Variants in WDR75 observed in about 807,000 individuals in gnomAD.
WDR75 encodes WD repeat domain 75, also known as WD repeat-containing protein 75.
Under a neutral mutation model 106.1 loss-of-function variants are expected in WDR75, and 52 were observed. That is an observed-to-expected ratio of 0.49 (90% CI 0.39 to 0.62). The LOEUF is 0.62. Among genes scored for constraint, WDR75 ranks in the 20% least tolerant of loss-of-function variants. WDR75 has a pLI of 0.00. For synonymous variants in WDR75, 333 were observed against 335.5 expected, an observed-to-expected ratio of 0.99 and a Z score of 0.08; for missense variants, 905 against 970.3, an observed-to-expected ratio of 0.93 and a Z score of 0.89.
At chr2:189,466,663 T>C in intron 13 of WDR75, 81 bp downstream of exon 13, 1 of 1,381,432 alleles carries the variant, frequency 7.2e-7, no homozygotes, top group Non-Finnish European at 9.8e-7. Flanking sequence ...GTATCCATCC[T>C]GGGAGGACAT....
intron 18 of WDR75, 68 bp downstream of exon 18, chr2:189,470,946 C>T: frequency 1.6e-6 from 2 of 1,225,958 alleles, no homozygotes; most frequent in Middle Eastern, 2.0e-4. Flanking sequence ...TTTTAGAAGT[C>T]AACTATGAAA....
intron 3 of WDR75, 52 bp downstream of exon 3, chr2:189,451,020 A>C: frequency 6.4e-7 from 1 of 1,573,072 alleles, no homozygotes; most frequent in Non-Finnish European, 8.6e-7. Context: ...AAGGCAATGT[A>C]ATTTAATGGT....
chr2:189,455,533 T>C (rs1686715885), intron 5 of WDR75, 89 bp downstream of exon 5: 1 of 1,466,474 alleles, frequency 6.8e-7, no homozygotes, highest in Non-Finnish European at 9.2e-7. Context: ...ACAGTGATTT[T>C]ATATTCCCTT....
At chr2:189,452,119 A>T in intron 4 of WDR75, 1 of 417,138 alleles carries the variant, frequency 2.4e-6, no homozygotes, top group East Asian at 4.2e-5. Context: ...AGTAGATTGC[A>T]GACCTCAAAT....
intron 16 of WDR75, 62 bp downstream of exon 16, chr2:189,469,501 T>G: frequency 7.1e-7 from 1 of 1,418,236 alleles, no homozygotes; most frequent in Non-Finnish European, 9.9e-7. Context: ...CTTCTTAATA[T>G]AATTTGAGCC....
Position 189,455,354 on chromosome 2 carries a change from ATCC to A in WDR75, c.411_413del (p.Ser139del). ...AGCTGGTTTCAGTGAAACTGCCAAA[ATCC>A]TCAAGCCAGGAAGTAGAAGCCAAGG... On this transcript the variant is annotated inframe_deletion, in exon 5 of 21. Coordinates refer to ENST00000314761, the MANE Select transcript of WDR75 (RefSeq NM_032168.3). 1.2e-6 allele frequency: 2 copies of A among 1,614,176 alleles called. No individual in the cohort carries two copies. The highest frequency in any genetic ancestry group is 2.2e-5 in the South Asian group (2 of 91,086).
At chr2:189,449,675 G>T (rs1686575447) in intron 2 of WDR75, 1 of 994,700 alleles carries the variant, frequency 1.0e-6, no homozygotes, top group Non-Finnish European at 1.2e-6. Flanking sequence ...CAGTGTTTGT[G>T]TATTAACCAT....
intron 8 of WDR75, 118 bp downstream of exon 8, chr2:189,459,542 C>T (rs769216849): frequency 1.5e-4 from 139 of 947,754 alleles, no homozygotes; most frequent in Non-Finnish European, 2.2e-4. Context: ...ATTCCAAACA[C>T]TTGTGTGTTA....
rs527330961 is a variant in WDR75, at chr2:189,458,011, C to T, written c.569+630C>T. On this transcript the variant is annotated intron_variant, in intron 6 of 20. Transcript: ENST00000314761. ...TGTTCTCGGCTCACTGTAACCTCCGCCTCCCGGGTTCAAGTGATTGTCCCG... is the reference window on the plus strand; with the variant it reads ...TGTTCTCGGCTCACTGTAACCTCCGTCTCCCGGGTTCAAGTGATTGTCCCG... 1.1e-4 allele frequency among the ~76,000 whole-genome samples: 17 copies of T among 150,586 alleles called. No individual in the cohort carries two copies. The South Asian group carries it at 3.6e-3, about 32-fold the overall frequency.
chr2:189,474,220 T>A lies in WDR75; in HGVS notation c.2084T>A (p.Phe695Tyr). 1 of 1,613,480 alleles carries A rather than the reference T, an allele frequency of 6.2e-7. No individual in the cohort carries two copies. The highest frequency in any genetic ancestry group is 8.5e-7 in the Non-Finnish European group (1 of 1,179,760). The change falls in exon 19 of 21, where the codon TTT becomes TAT. Residue 695 changes from phenylalanine to tyrosine, a missense_variant. Coordinates refer to ENST00000314761, the MANE Select transcript of WDR75 (RefSeq NM_032168.3). Reference sequence around the variant, plus strand: ...GAAGAAAGTCTTCCCACAACCCCATTTTATTTCATATTGGGAAAACACAGG... The same window carrying A: ...GAAGAAAGTCTTCCCACAACCCCATATTATTTCATATTGGGAAAACACAGG... The part of the protein sequence containing the change: ...LAEESLPTTP[F>Y]YFILGKHRQQ...
At chr2:189,449,523 A>G in intron 2 of WDR75, 3 of 1,093,802 alleles carry the variant, frequency 2.7e-6, no homozygotes, top group Non-Finnish European at 1.1e-6. Flanking sequence ...AAGTCCATAT[A>G]CTAAGTTTTA....
chr2:189,458,680 C>CT, intron 6 of WDR75, 73 bp from the exon 7 acceptor site: 1 of 1,326,274 alleles, frequency 7.5e-7, no homozygotes, highest in Non-Finnish European at 9.9e-7. Context: ...TGGGAACTCT[C>CT]TTTTACTTAA....
chr2:189,473,822 A>G (rs373947404), intron 18 of WDR75, among the ~76,000 whole-genome samples: 1 of 152,168 alleles, frequency 6.6e-6, no homozygotes, highest in Non-Finnish European at 1.5e-5. Flanking sequence ...GTTCAATACC[A>G]TCCTTCAGCC....
chr2:189,451,320 C>G (rs115315063), intron 3 of WDR75, among the ~76,000 whole-genome samples: 3,649 of 152,130 alleles, frequency 0.024, 158 homozygotes, highest in African/African-American at 0.084. Flanking sequence ...GATGCTTAAA[C>G]TCATTAATAA....
At chr2:189,457,874 A>G (rs1686771683) in intron 6 of WDR75, among the ~76,000 whole-genome samples, 1 of 151,884 alleles carries the variant, frequency 6.6e-6, no homozygotes, top group Non-Finnish European at 1.5e-5. Flanking sequence ...TTGAATAGTT[A>G]ACTATTTGAA....
chr2:189,468,400 C>T, intron 14 of WDR75, 75 bp from the exon 15 acceptor site: 1 of 1,355,072 alleles, frequency 7.4e-7, no homozygotes. Flanking sequence ...AGAACAGCCG[C>T]TGGAAGCCTG....
chr2:189,451,773 C>T (rs1265213443), intron 3 of WDR75, 32 bp from the exon 4 acceptor site: 2 of 1,578,866 alleles, frequency 1.3e-6, no homozygotes, highest in Admixed American at 3.4e-5. Context: ...AGGGAACAGA[C>T]AGTAAACACT....
chr2:189,448,971 C>G (rs1686559904), intron 2 of WDR75: 2 of 425,914 alleles, frequency 4.7e-6, no homozygotes, highest in Non-Finnish European at 9.6e-6. Flanking sequence ...CTGGCTTACT[C>G]TAGATATTGC....
At chr2:189,444,913 T>G (rs1686463073) in intron 1 of WDR75, among the ~76,000 whole-genome samples, 1 of 152,162 alleles carries the variant, frequency 6.6e-6, no homozygotes, top group African/African-American at 2.4e-5. Flanking sequence ...TTCCCACCCC[T>G]TAAATCATAC....
Sources: gnomAD v4.1 joint callset for allele counts (sites outside exome capture counted in the v4.1 genomes callset) on GRCh38, gnomAD v4.1.1 for gene constraint, MANE v1.5 for transcripts, NCBI Gene and HGNC (gene_info 2026-07-23, HGNC 2026-07-21) for gene names.